Variants in ZZEF1 observed in about 807,000 individuals in gnomAD.
ZZEF1 encodes the protein zinc finger ZZ-type and EF-hand domain containing 1, also known as zinc finger ZZ-type and EF-hand domain-containing protein 1.
In ZZEF1, 157 loss-of-function variants were observed where a neutral mutation model predicts 342.8. The observed-to-expected ratio is 0.46, with a 90% confidence interval of 0.40 to 0.52. ZZEF1 has a LOEUF of 0.52. Ranked by LOEUF, ZZEF1 falls within the 20% of genes least tolerant of loss-of-function variation. ZZEF1 has a pLI of 0.00. For synonymous variants in ZZEF1, 1,505 were observed against 1,429.1 expected (o/e 1.05, Z -1.20); for missense variants, 3,480 against 3,725.6 (o/e 0.93, Z 1.72).
At position 4,064,548 on chromosome 17, in the gene ZZEF1, C is replaced by T; in HGVS notation, c.4531G>A (p.Ala1511Thr). 1.9e-6 allele frequency: 3 copies of T among 1,614,102 alleles called. No homozygotes were observed. The highest frequency in any genetic ancestry group is 2.5e-6 in the Non-Finnish European group (3 of 1,180,010). ...GGTGACAAGGGCTCTTCAGCTGTGG[C>T]AGGGGACACGTCTGCAGCAGGAAGG... ...SGLPAADVSP[A>T]TAEEPLSPST... The change falls in exon 29 of 55, where the codon GCC (alanine) becomes ACC (threonine). Residue 1511 changes from alanine (A) to threonine (T), a missense_variant. Physicochemically the swap from Ala to Thr is moderately conservative, Grantham distance 58. This residue lies in a region of ZZEF1 where 1,528 missense variants were observed against 1,624.1 expected (regional missense o/e 0.94). Coordinates refer to ENST00000381638, the MANE Select transcript of ZZEF1 (RefSeq NM_015113.4).
At chr17:4,102,612 G>A (rs1302839851) in intron 8 of ZZEF1, among the ~76,000 whole-genome samples, 197 bp from the exon 9 acceptor site, 2 of 152,162 alleles carry the variant, frequency 1.3e-5, no homozygotes, top group Non-Finnish European at 2.9e-5. Flanking sequence ...AAGAGACAAA[G>A]TACAGCTATG....
intron 2 of ZZEF1, among the ~76,000 whole-genome samples, chr17:4,123,081 G>A (rs1054006536): frequency 1.3e-5 from 2 of 151,030 alleles, no homozygotes; most frequent in Non-Finnish European, 3.0e-5. Flanking sequence ...CACCATGCCC[G>A]GATAATTTTT....
intron 37 of ZZEF1, among the ~76,000 whole-genome samples, chr17:4,046,731 G>A (rs1054299700): frequency 2.6e-5 from 4 of 152,276 alleles, no homozygotes; most frequent in Admixed American, 2.0e-4. Context: ...TGGCACTTGC[G>A]AAGACAATAT....
At chr17:4,100,949 T>G (rs1285146847) in intron 9 of ZZEF1, among the ~76,000 whole-genome samples, 1 of 152,134 alleles carries the variant, frequency 6.6e-6, no homozygotes, top group Non-Finnish European at 1.5e-5. Flanking sequence ...GGCAGGGTGG[T>G]CTTGGCTTTC....
intron 1 of ZZEF1, among the ~76,000 whole-genome samples, chr17:4,127,272 G>A (rs2058587332): frequency 6.6e-6 from 1 of 152,132 alleles, no homozygotes; most frequent in Non-Finnish European, 1.5e-5. Context: ...CCAAAGAGTT[G>A]AGATTATAGG....
At chr17:4,082,097 C>T (rs1287752502) in intron 17 of ZZEF1, among the ~76,000 whole-genome samples, 1 of 152,208 alleles carries the variant, frequency 6.6e-6, no homozygotes, top group Non-Finnish European at 1.5e-5. Context: ...CACAAACTAT[C>T]ATTCTGGGCT....
chr17:4,050,220 G>T (rs1385119783), intron 36 of ZZEF1, among the ~76,000 whole-genome samples: 1 of 152,188 alleles, frequency 6.6e-6, no homozygotes, highest in Non-Finnish European at 1.5e-5. Context: ...CTGCTCTAAG[G>T]TGCTGGCGTT....
chr17:4,082,634 C>T (rs1172656073), intron 16 of ZZEF1, 130 bp from the exon 17 acceptor site: 7 of 779,600 alleles, frequency 9.0e-6, no homozygotes, highest in Non-Finnish European at 1.5e-5. Context: ...CAGACTACCT[C>T]ACAGCACCCC....
chr17:4,097,389 T>C (rs2058054412), intron 9 of ZZEF1, among the ~76,000 whole-genome samples: 1 of 149,148 alleles, frequency 6.7e-6, no homozygotes, highest in Non-Finnish European at 1.5e-5. Context: ...CCTGGGCTGA[T>C]AAAGCCTACT....
intron 38 of ZZEF1, among the ~76,000 whole-genome samples, chr17:4,042,852 T>C (rs926984006): frequency 1.3e-5 from 2 of 152,188 alleles, no homozygotes; most frequent in African/African-American, 4.8e-5. Flanking sequence ...CAGCTAATTT[T>C]TGTATTTTTA....
intron 46 of ZZEF1, among the ~76,000 whole-genome samples, chr17:4,018,613 G>A (rs2056180416): frequency 6.6e-6 from 1 of 152,166 alleles, no homozygotes; most frequent in Non-Finnish European, 1.5e-5. Flanking sequence ...TTACAGCCTG[G>A]TGTTTGCCTT....
Position 4,074,466 on chromosome 17 carries a change from A to G in ZZEF1, c.3484-115T>C. 3.8e-6 allele frequency: 4 copies of G among 1,064,240 alleles called. No individual in the cohort carries two copies. In the Admixed American group the frequency reaches 7.7e-5, roughly 20 times the overall value. 65.9% of individuals were successfully genotyped at this position (1,064,240 alleles called of 1,614,324 possible). On this transcript the variant is annotated intron_variant, in intron 23 of 54. Transcript: ENST00000381638. ...GTTTAAAATTGATCTCTATTTCCAC[A>G]TGTCCAAAATGACTAACGGAGAAAT...
In ZZEF1 at chr17:4,049,773, C is replaced by T. The variant is rs772989531; in HGVS notation, c.5950G>A (p.Gly1984Arg). Residue 1984 changes from glycine (G) to arginine (R), a missense_variant, in exon 37 of 55, where the codon GGA becomes AGA. Transcript: ENST00000381638. ...TTCTCTAGCTGCTCCTCTGACGCTCCGGTGGGCACAGTGACTGGTAGGGCC... is the reference window on the plus strand; with the variant it reads ...TTCTCTAGCTGCTCCTCTGACGCTCTGGTGGGCACAGTGACTGGTAGGGCC... The part of the protein sequence containing the change: ...DQALPVTVPT[G>R]ASEEQLEKKA... 54 of 1,614,156 alleles carry T rather than the reference C, an allele frequency of 3.3e-5. No homozygotes were observed. Among genetic ancestry groups the T allele is most frequent in the Admixed American group, 6.7e-5 (4 of 60,024 alleles).
intron 6 of ZZEF1, 141 bp downstream of exon 6, chr17:4,109,512 C>T: frequency 2.5e-6 from 2 of 784,354 alleles, no homozygotes; most frequent in Non-Finnish European, 4.2e-6. Context: ...GTGGCACGAA[C>T]AGGAAACACT....
chr17:4,057,852 G>C, intron 32 of ZZEF1, 142 bp downstream of exon 32: 1 of 754,072 alleles, frequency 1.3e-6, no homozygotes, highest in Non-Finnish European at 2.1e-6. Flanking sequence ...ACTTGCGCAA[G>C]GCCACTCGGC....
rs1466455858 is a variant in ZZEF1 at position 4,124,056 on chromosome 17, AAGAT to A, written c.355-9_355-6del. ...AGCATCAAACTGGGCAAAGGCCTAC[AAGAT>A]AAGAGATGCAAGAAAATCAGGGCTG... On this transcript the variant is annotated splice_polypyrimidine_tract_variant and splice_region_variant and intron_variant, in intron 1 of 54. Coordinates refer to ENST00000381638, the MANE Select transcript of ZZEF1 (RefSeq NM_015113.4). The A allele has an allele frequency of 1.3e-6, 2 of 1,599,990 alleles. No homozygotes were observed. Among genetic ancestry groups the A allele is most frequent in the South Asian group, 2.2e-5 (2 of 89,134 alleles).
intron 42 of ZZEF1, among the ~76,000 whole-genome samples, chr17:4,025,728 C>A: frequency 6.7e-6 from 1 of 150,164 alleles, no homozygotes; most frequent in African/African-American, 2.4e-5. Flanking sequence ...CATTTCCAAA[C>A]AAGACAGAAC....
chr17:4,006,814 T>C lies in ZZEF1; in HGVS notation c.*76A>G. The C allele has an allele frequency of 1.1e-5, 17 of 1,488,152 alleles. No homozygotes were observed. The highest frequency in any genetic ancestry group is 1.6e-5 in the Non-Finnish European group (17 of 1,089,500). 92.2% of individuals were successfully genotyped at this position (1,488,152 alleles called of 1,614,324 possible). ...GCTGGGCACTGGCGCTACAGGAGTT[T>C]TCCTGAATGAGGTTAGATGTCTGCT... On this transcript the variant is annotated 3_prime_UTR_variant, in exon 55 of 55. Transcript: ENST00000381638.
At chr17:4,136,702 G>A (rs992102344) in intron 1 of ZZEF1, among the ~76,000 whole-genome samples, 17 of 152,162 alleles carry the variant, frequency 1.1e-4, no homozygotes, top group Non-Finnish European at 5.9e-5. Context: ...GGGGCAGAGA[G>A]GGGGCAGCTT....
Sources: allele counts gnomAD v4.1 joint callset (sites outside exome capture counted in the v4.1 genomes callset), GRCh38; gene constraint gnomAD v4.1.1; regional missense constraint gnomAD v4.1.1; transcripts MANE v1.5; gene names NCBI Gene and HGNC (gene_info 2026-07-23, HGNC 2026-07-21).